LRP5: variants seen among roughly 807,000 people sequenced by gnomAD.
LRP5 encodes the protein low-density lipoprotein receptor-related protein 5.
A neutral mutation model predicts 154.1 loss-of-function variants in LRP5; 62 were observed. The observed-to-expected ratio is 0.40, with a 90% CI of 0.33 to 0.50. The LOEUF (loss-of-function observed/expected upper bound fraction) is 0.50, where lower values mean the gene tolerates loss of function less well. Among genes scored for constraint, LRP5 ranks in the 20% least tolerant of loss-of-function variants. The probability of loss-of-function intolerance (pLI) is 0.55; values close to 1 mark genes in which losing one functional copy is unlikely to be tolerated. For synonymous variants in LRP5, 966 were observed against 1,011.5 expected (o/e 0.96, Z 0.85); for missense variants, 1,915 against 2,336.7 (o/e 0.82, Z 3.72).
intron 21 of LRP5, among the ~76,000 whole-genome samples, chr11:68,442,600 G>A (rs566196586): frequency 1.9e-4 from 29 of 152,290 alleles, no homozygotes; most frequent in Non-Finnish European, 3.5e-4. Context: ...TCGTAAGCCC[G>A]AAAGATAGCA....
intron 7 of LRP5, among the ~76,000 whole-genome samples, chr11:68,395,013 C>G (rs561879536): frequency 1.2e-4 from 18 of 150,210 alleles, no homozygotes; most frequent in African/African-American, 4.1e-4. Context: ...TGAGAGCAAC[C>G]GAGGTGGCTG....
At chr11:68,389,285 C>G (rs1344610096) in intron 6 of LRP5, among the ~76,000 whole-genome samples, 1 of 134,038 alleles carries the variant, frequency 7.5e-6, no homozygotes, top group East Asian at 2.3e-4. Flanking sequence ...TTTACCAACA[C>G]TGACATTTAC....
chr11:68,357,596 A>G, intron 2 of LRP5, 54 bp from the exon 3 acceptor site: 8 of 1,550,116 alleles, frequency 5.2e-6, no homozygotes, highest in Non-Finnish European at 7.1e-6. Context: ...TATGCAGACA[A>G]AAACAAAAAA....
chr11:68,333,339 A>G (rs969788829), intron 1 of LRP5, among the ~76,000 whole-genome samples: 1 of 152,248 alleles, frequency 6.6e-6, no homozygotes, highest in Non-Finnish European at 1.5e-5. Context: ...TGGCCCAGCA[A>G]TGAATATTTT....
At chr11:68,438,330 C>T (rs370634212) in intron 19 of LRP5, 116 bp from the exon 20 acceptor site, 12 of 1,030,040 alleles carry the variant, frequency 1.2e-5, no homozygotes, top group South Asian at 1.0e-4. Flanking sequence ...CCACTTTCTC[C>T]CCACCCTCCA....
chr11:68,412,225 C>T (rs1355446967), intron 11 of LRP5, among the ~76,000 whole-genome samples: 1 of 152,208 alleles, frequency 6.6e-6, no homozygotes, highest in Non-Finnish European at 1.5e-5. Context: ...GGGGACCGCA[C>T]ACTCTGTTCT....
chr11:68,319,072 GTTTTTTTTT>G (rs59893808), intron 1 of LRP5, among the ~76,000 whole-genome samples: 3 of 92,248 alleles, frequency 3.3e-5, no homozygotes, highest in African/African-American at 1.2e-4. Context: ...CTGGCTCCTT[GTTTTTTTTT>G]TTTTTTTTTT....
At chr11:68,366,065 G>A (rs983345411) in intron 5 of LRP5, among the ~76,000 whole-genome samples, 5 of 152,104 alleles carry the variant, frequency 3.3e-5, no homozygotes, top group South Asian at 4.1e-4. Context: ...GTGTCGGTTC[G>A]GGGCGGGCCC....
At position 68,423,675 on chromosome 11, in the gene LRP5, A is replaced by G. The variant is rs776150382; in HGVS notation, c.3214A>G (p.Ile1072Val). The part of the protein sequence containing the change: ...LRGDRDKPRA[I>V]VVNAERGYLY... ...TGGGGACCGCGACAAGCCCAGGGCC[A>G]TCGTCGTCAACGCGGAGCGAGGGTA... Residue 1072 changes from isoleucine (I) to valine (V), a missense_variant, in exon 14 of 23, where the codon ATC (isoleucine) becomes GTC (valine). This residue lies in a region of LRP5 where 1,094 missense variants were observed against 1,210.1 expected (regional missense o/e 0.90). Coordinates refer to ENST00000294304, the MANE Select transcript of LRP5 (RefSeq NM_002335.4). This position sits in a 1 kb window ranked among gnomAD's most constrained non-coding sequence, Gnocchi z 4.7. 3 of 1,613,114 alleles carry G rather than the reference A, an allele frequency of 1.9e-6. No individual in the cohort carries two copies. The highest frequency in any genetic ancestry group is 2.2e-5 in the East Asian group (1 of 44,864).
chr11:68,363,395 G>A (rs1427327830), intron 3 of LRP5, among the ~76,000 whole-genome samples: 14 of 152,330 alleles, frequency 9.2e-5, no homozygotes, highest in East Asian at 3.9e-4. Flanking sequence ...GGTGGCGCAC[G>A]CCTGTAATCC....
chr11:68,330,359 C>T (rs1187764028), intron 1 of LRP5, among the ~76,000 whole-genome samples: 1 of 152,268 alleles, frequency 6.6e-6, no homozygotes, highest in Non-Finnish European at 1.5e-5. Flanking sequence ...AGGAAGATCT[C>T]TGCTGTGCAG....
intron 19 of LRP5, 118 bp from the exon 20 acceptor site, chr11:68,438,327 CT>C: frequency 1.0e-6 from 1 of 1,000,812 alleles, no homozygotes; most frequent in Non-Finnish European, 1.6e-6. Flanking sequence ...CCCCCACTTT[CT>C]CCCCACCCTC....
At chr11:68,300,170 G>A in the LRP5 span, among the ~76,000 whole-genome samples, 1 of 149,106 alleles carries the variant, frequency 6.7e-6, no homozygotes, top group South Asian at 2.1e-4. Context: ...CAAAGTACAG[G>A]CATGAGCCAC....
At chr11:68,384,490 A>T (rs1453185050) in intron 5 of LRP5, among the ~76,000 whole-genome samples, 1 of 152,180 alleles carries the variant, frequency 6.6e-6, no homozygotes, top group Non-Finnish European at 1.5e-5. Flanking sequence ...CCTTGAGACC[A>T]GAAAGGTCTG....
At chr11:68,402,606 G>A (rs182826921) in intron 7 of LRP5, among the ~76,000 whole-genome samples, 3 of 152,224 alleles carry the variant, frequency 2.0e-5, no homozygotes, top group African/African-American at 7.2e-5. Context: ...TCCTGCCCCA[G>A]GCCCTGCAGT....
intron 5 of LRP5, among the ~76,000 whole-genome samples, chr11:68,376,171 CTTTTTTTTTTT>C (rs60401481): frequency 1.1e-5 from 1 of 92,840 alleles, no homozygotes; most frequent in East Asian, 3.4e-4. Context: ...GGCCCTGCTT[CTTTTTTTTTTT>C]TTTTTTTTTT....
At chr11:68,443,585 A>ATTTT (rs1219762322) in intron 21 of LRP5, among the ~76,000 whole-genome samples, 44 of 24,838 alleles carry the variant, frequency 1.8e-3, no homozygotes, top group African/African-American at 6.7e-3. Context: ...ATATATATAT[A>ATTTT]TTTTTTTTTT....
chr11:68,392,988 T>G (rs1338276116), intron 7 of LRP5, among the ~76,000 whole-genome samples: 2 of 151,962 alleles, frequency 1.3e-5, no homozygotes, highest in African/African-American at 4.8e-5. Context: ...TAACTGAACG[T>G]GGTGGTGGTG....
chr11:68,316,101 C>T (rs1433871316), intron 1 of LRP5, among the ~76,000 whole-genome samples: 6 of 152,114 alleles, frequency 3.9e-5, no homozygotes, highest in Non-Finnish European at 7.4e-5. Flanking sequence ...CTTCCCGTTC[C>T]CTCTCCCCGG....
Sources: allele counts gnomAD v4.1 joint callset (sites outside exome capture counted in the v4.1 genomes callset), GRCh38; gene constraint gnomAD v4.1.1; regional missense constraint gnomAD v4.1.1; non-coding constraint Gnocchi (gnomAD v3.1); transcripts MANE v1.5; gene names NCBI Gene and HGNC (gene_info 2026-07-23, HGNC 2026-07-21).